Variants in NCKAP5 observed in about 807,000 individuals in gnomAD.
NCKAP5 encodes the protein nck-associated protein 5.
Under a neutral mutation model 167.0 loss-of-function variants are expected in NCKAP5, and 92 were observed. The ratio of observed to expected loss-of-function variants is 0.55; its 90% confidence interval spans 0.47 to 0.66. NCKAP5 has a LOEUF of 0.66. Ranked by LOEUF, NCKAP5 falls within the 30% of genes least tolerant of loss-of-function variation. NCKAP5 has a pLI of 0.00. For synonymous variants in NCKAP5, 891 were observed against 877.4 expected (o/e 1.02, Z -0.27); for missense variants, 2,378 against 2,315.0 (o/e 1.03, Z -0.56).
chr2:132,828,769 A>G (rs971632641), intron 11 of NCKAP5, among the ~76,000 whole-genome samples: 3 of 152,130 alleles, frequency 2.0e-5, no homozygotes, highest in African/African-American at 7.2e-5. Flanking sequence ...TATCTCTCTC[A>G]AGCTTCCACA....
intron 7 of NCKAP5, among the ~76,000 whole-genome samples, chr2:132,975,582 G>A (rs1403327868): frequency 1.3e-5 from 2 of 152,178 alleles, no homozygotes; most frequent in Non-Finnish European, 2.9e-5. Flanking sequence ...GGTGTGAAAA[G>A]TTCCCCTAGA....
rs142860318 is a variant in NCKAP5 at position 133,153,260 on chromosome 2, G to A, written c.208-23149C>T. 2.3e-3 allele frequency among the ~76,000 whole-genome samples: 349 copies of A among 152,052 alleles called. 4 individuals are homozygous for A. The highest frequency in any genetic ancestry group is 7.8e-3 in the African/African-American group (324 of 41,476). On this transcript the variant is annotated intron_variant, in intron 5 of 19. Coordinates refer to ENST00000409261, the MANE Select transcript of NCKAP5 (RefSeq NM_207363.3). ...CCAGAGAACTATATAACACCAAGAG[G>A]GACCCTAATATAAATGATAGAGTTT...
At chr2:133,416,843 T>G (rs908575580) in intron 3 of NCKAP5, among the ~76,000 whole-genome samples, 2 of 152,104 alleles carry the variant, frequency 1.3e-5, no homozygotes, top group African/African-American at 2.4e-5. Flanking sequence ...AAAACTCTAG[T>G]TCCAAAGCAA....
chr2:133,502,816 GA>G (rs1406610235), intron 3 of NCKAP5, among the ~76,000 whole-genome samples: 1 of 152,218 alleles, frequency 6.6e-6, no homozygotes, highest in Non-Finnish European at 1.5e-5. Flanking sequence ...GGCGTTCAAT[GA>G]ACGTGTGATG....
chr2:133,336,766 G>A (rs2150747799), intron 3 of NCKAP5, among the ~76,000 whole-genome samples: 1 of 152,238 alleles, frequency 6.6e-6, no homozygotes, highest in African/African-American at 2.4e-5. Flanking sequence ...TAAAATGAAG[G>A]GTTATGCTCT....
intron 3 of NCKAP5, among the ~76,000 whole-genome samples, chr2:133,455,643 C>A (rs927518699): frequency 6.6e-6 from 1 of 152,096 alleles, no homozygotes; most frequent in African/African-American, 2.4e-5. Context: ...TATCCAAATG[C>A]TCTCCCCATC....
chr2:133,598,257 A>G, the NCKAP5 span, among the ~76,000 whole-genome samples: 1 of 152,204 alleles, frequency 6.6e-6, no homozygotes, highest in Non-Finnish European at 1.5e-5. Flanking sequence ...AAGTGATATG[A>G]GTTTCTAGGC....
rs59954056 is a variant in NCKAP5 at position 133,158,579 on chromosome 2, T to A, written c.208-28468A>T. Among the ~76,000 whole-genome samples the A allele has an allele frequency of 7.7e-3, 1,171 of 152,298 alleles. 9 individuals carry two copies. Among genetic ancestry groups the A allele is most frequent in the African/African-American group, 0.027 (1,107 of 41,568 alleles). On this transcript the variant is annotated intron_variant, in intron 5 of 19. Transcript: ENST00000409261. ...AGCATCCAGGTGTCCTATTCACACC[T>A]CAGAATGATGCTTCTCTATTCTCTA...
At chr2:133,227,139 A>G (rs2086929155) in intron 4 of NCKAP5, among the ~76,000 whole-genome samples, 1 of 152,210 alleles carries the variant, frequency 6.6e-6, no homozygotes, top group Non-Finnish European at 1.5e-5. Context: ...TTATAACTCT[A>G]GAGTTATAAA....
At chr2:132,764,677 A>T (rs950910593) in intron 16 of NCKAP5, among the ~76,000 whole-genome samples, 1 of 152,228 alleles carries the variant, frequency 6.6e-6, no homozygotes, top group African/African-American at 2.4e-5. Flanking sequence ...CCAATAAAAC[A>T]GTATCTATCA....
chr2:133,386,036 T>G (rs1317365104), intron 3 of NCKAP5, among the ~76,000 whole-genome samples: 1 of 152,174 alleles, frequency 6.6e-6, no homozygotes, highest in Non-Finnish European at 1.5e-5. Context: ...GTTCTTTGTG[T>G]CTCTATTTCC....
At chr2:133,347,511 C>T (rs2150798100) in intron 3 of NCKAP5, among the ~76,000 whole-genome samples, 1 of 152,080 alleles carries the variant, frequency 6.6e-6, no homozygotes, top group South Asian at 2.1e-4. Flanking sequence ...CAAGATTATG[C>T]CATTGCATTC....
chr2:133,274,301 CA>C (rs1039906753), intron 4 of NCKAP5, among the ~76,000 whole-genome samples: 13 of 150,386 alleles, frequency 8.6e-5, no homozygotes, highest in South Asian at 2.1e-4. Flanking sequence ...ATAGTAAGAA[CA>C]AAAAAAAATT....
chr2:133,314,190 C>T lies in NCKAP5; in HGVS notation c.70-11080G>A, dbSNP rs1161486017. ...AGGCTCCTTGCTTTTTCTGAACAGG[C>T]CAAGTTATAAGTTCTTTGCAGTCTC... On this transcript the variant is annotated intron_variant, in intron 3 of 19. Transcript: ENST00000409261. 2.0e-5 allele frequency among the ~76,000 whole-genome samples: 3 copies of T among 152,142 alleles called. No individual in the cohort carries two copies. The East Asian group carries it at 5.8e-4, about 29-fold the overall frequency.
intron 6 of NCKAP5, among the ~76,000 whole-genome samples, chr2:133,021,480 T>A (rs1332808850): frequency 6.6e-6 from 1 of 152,264 alleles, no homozygotes; most frequent in Non-Finnish European, 1.5e-5. Context: ...TTCTAATATA[T>A]CTCTGTGAAT....
chr2:133,006,115 T>G (rs1407551352), intron 6 of NCKAP5, among the ~76,000 whole-genome samples: 1 of 151,782 alleles, frequency 6.6e-6, no homozygotes, highest in Admixed American at 6.6e-5. Flanking sequence ...AAAAATTATC[T>G]GGGTGTGGTG....
chr2:133,495,721 A>T (rs1386588483), intron 3 of NCKAP5, among the ~76,000 whole-genome samples: 1 of 152,216 alleles, frequency 6.6e-6, no homozygotes, highest in Non-Finnish European at 1.5e-5. Context: ...TTAACTAGTC[A>T]TACCTAGGAA....
chr2:133,420,310 T>C (rs1026356721), intron 3 of NCKAP5, among the ~76,000 whole-genome samples: 1 of 152,346 alleles, frequency 6.6e-6, no homozygotes, highest in East Asian at 1.9e-4. Context: ...TACTACAGCA[T>C]GGAGAAATCC....
chr2:133,018,171 C>A (rs1229005703), intron 6 of NCKAP5, among the ~76,000 whole-genome samples: 1 of 152,130 alleles, frequency 6.6e-6, no homozygotes, highest in African/African-American at 2.4e-5. Context: ...TATATCCCAA[C>A]CCAAACAGAA....
Sources: allele counts gnomAD v4.1 joint callset (sites outside exome capture counted in the v4.1 genomes callset), GRCh38; gene constraint gnomAD v4.1.1; transcripts MANE v1.5; gene names NCBI Gene and HGNC (gene_info 2026-07-23, HGNC 2026-07-21).